Variants in CPNE8 observed in about 807,000 individuals in gnomAD.
The protein encoded by CPNE8 is copine-8.
CPNE8 carries 45 observed loss-of-function variants against 81.5 expected under a neutral mutation model. That is an observed-to-expected ratio of 0.55 (90% CI 0.44 to 0.71). The LOEUF is 0.71. CPNE8 is among the 30% of genes least tolerant of loss of function. CPNE8 has a pLI of 0.00. For synonymous variants in CPNE8, 252 were observed against 226.3 expected (o/e 1.11, Z -1.02); for missense variants, 594 against 672.1 (o/e 0.88, Z 1.28).
At chr12:38,687,197 T>C (rs902021428) in intron 15 of CPNE8, among the ~76,000 whole-genome samples, 1 of 152,014 alleles carries the variant, frequency 6.6e-6, no homozygotes, top group African/African-American at 2.4e-5. Context: ...ACTTTAAAAA[T>C]GTAGGACTGC....
intron 7 of CPNE8, among the ~76,000 whole-genome samples, chr12:38,772,016 C>T: frequency 6.6e-6 from 1 of 152,104 alleles, no homozygotes; most frequent in East Asian, 1.9e-4. Context: ...GGTGTGAATC[C>T]CTCATAAATA....
rs780128291 is a variant in CPNE8 at position 38,776,223 on chromosome 12, G to T, written c.471+15C>A. On this transcript the variant is annotated intron_variant, in intron 7 of 19. Coordinates refer to ENST00000331366, the MANE Select transcript of CPNE8 (RefSeq NM_153634.3). The stretch of plus-strand genomic sequence containing the variant: ...GTATGGAAGTATTTTCTAAACCAAA[G>T]AAATATTTACTTACCCTGCAACAGT... The T allele has an allele frequency of 6.9e-7, 1 of 1,443,664 alleles. No individual in the cohort carries two copies. The highest frequency in any genetic ancestry group is 1.9e-5 in the Admixed American group (1 of 53,346). The allele number at this position is 1,443,664 out of a possible 1,614,324, so 89.4% of individuals were successfully genotyped here.
rs189044470 is a variant in CPNE8 at position 38,690,399 on chromosome 12, G to A, written c.1143+3258C>T. ...GCCTTATTTATCCAACAAAACAGAAGTGCTTTGAAAAAAATTAAAGTAATA... is the reference window on the plus strand; with the variant it reads ...GCCTTATTTATCCAACAAAACAGAAATGCTTTGAAAAAAATTAAAGTAATA... On this transcript the variant is annotated intron_variant, in intron 15 of 19. Transcript: ENST00000331366. Among the ~76,000 whole-genome samples, 70 of 152,142 alleles carry A rather than the reference G, an allele frequency of 4.6e-4. 1 individual carries two copies. The highest frequency in any genetic ancestry group is 1.6e-3 in the African/African-American group (67 of 41,504).
intron 6 of CPNE8, among the ~76,000 whole-genome samples, chr12:38,810,685 G>A (rs773682736): frequency 2.0e-5 from 3 of 152,088 alleles, no homozygotes; most frequent in African/African-American, 4.8e-5. Flanking sequence ...TCATTGGTCA[G>A]TTCTGTACAT....
intron 10 of CPNE8, among the ~76,000 whole-genome samples, chr12:38,750,021 T>TG (rs1309053461): frequency 6.6e-6 from 1 of 152,084 alleles, no homozygotes; most frequent in Non-Finnish European, 1.5e-5. Context: ...TTTCCTGGGT[T>TG]GGGCCCAGGG....
At chr12:38,670,135 T>G (rs1939140728) in intron 19 of CPNE8, among the ~76,000 whole-genome samples, 2 of 152,214 alleles carry the variant, frequency 1.3e-5, no homozygotes, top group African/African-American at 4.8e-5. Flanking sequence ...GACTGTATTA[T>G]GGGTGAATAT....
chr12:38,662,194 T>C (rs1263200949), intron 19 of CPNE8, among the ~76,000 whole-genome samples: 3 of 152,248 alleles, frequency 2.0e-5, no homozygotes, highest in South Asian at 2.1e-4. Context: ...AGCATCCAAA[T>C]TGGAAAGCAA....
chr12:38,699,540 T>TCTTCTCTCTTTTTCCCCTACCCTTCCTTC (rs1939883757), intron 14 of CPNE8, among the ~76,000 whole-genome samples: 1 of 152,156 alleles, frequency 6.6e-6, no homozygotes, highest in Non-Finnish European at 1.5e-5. Flanking sequence ...CACTTTCCTT[T>TCTTCTCTCTTTTTCCCCTACCCTTCCTTC]CTTCTCTCTT....
intron 3 of CPNE8, among the ~76,000 whole-genome samples, chr12:38,871,225 T>C (rs1240344083): frequency 6.6e-6 from 1 of 152,210 alleles, no homozygotes; most frequent in Non-Finnish European, 1.5e-5. Flanking sequence ...AAATTTTTTG[T>C]TGTTGTCCTT....
At chr12:38,704,750 T>C (rs1173571482) in intron 13 of CPNE8, among the ~76,000 whole-genome samples, 1 of 149,690 alleles carries the variant, frequency 6.7e-6, no homozygotes, top group Admixed American at 6.7e-5. Context: ...TAAATGTGTA[T>C]TGATTTTGCA....
chr12:38,796,581 A>G (rs1186012594), intron 6 of CPNE8, among the ~76,000 whole-genome samples: 1 of 152,212 alleles, frequency 6.6e-6, no homozygotes, highest in African/African-American at 2.4e-5. Flanking sequence ...ATGGCCGAAT[A>G]GGAACAGCTC....
intron 4 of CPNE8, among the ~76,000 whole-genome samples, chr12:38,841,783 T>G (rs1943471289): frequency 6.6e-6 from 1 of 152,278 alleles, no homozygotes; most frequent in African/African-American, 2.4e-5. Context: ...ATGATAAAAC[T>G]TAAAATATTT....
At chr12:38,701,381 T>A (rs2136687997) in intron 14 of CPNE8, among the ~76,000 whole-genome samples, 1 of 152,372 alleles carries the variant, frequency 6.6e-6, no homozygotes, top group East Asian at 1.9e-4. Flanking sequence ...TGTCTTTTTA[T>A]TTAATAATTT....
intron 3 of CPNE8, among the ~76,000 whole-genome samples, chr12:38,864,849 C>T (rs1045582961): frequency 6.6e-6 from 1 of 152,080 alleles, no homozygotes; most frequent in African/African-American, 2.4e-5. Flanking sequence ...TATAAAGGAT[C>T]ATATCGCTAT....
At position 38,654,514 on chromosome 12, in the gene CPNE8, C is replaced by CAAAAAAA. The variant is rs71068569; in HGVS notation, c.1507-451_1507-445dup. Among the ~76,000 whole-genome samples the CAAAAAAA allele has an allele frequency of 5.1e-3, 494 of 97,548 alleles. 10 individuals carry two copies. Among genetic ancestry groups the CAAAAAAA allele is most frequent in the African/African-American group, 0.016 (378 of 23,158 alleles). 64.0% of individuals were successfully genotyped at this position (97,548 alleles called of 152,430 possible). On this transcript the variant is annotated intron_variant, in intron 19 of 19. Transcript: ENST00000331366. ...TGGCCGACAGAGCGAGACTCTGTCT[C>CAAAAAAA]AAAAAAAAAAAAAAAAAAAAATTCA...
chr12:38,874,800 T>C (rs1944044212), intron 1 of CPNE8, among the ~76,000 whole-genome samples: 1 of 152,188 alleles, frequency 6.6e-6, no homozygotes, highest in South Asian at 2.1e-4. Flanking sequence ...AAAATCTCTT[T>C]GAGAGAATTA....
chr12:38,886,209 A>G (rs1212552326), intron 1 of CPNE8, among the ~76,000 whole-genome samples: 1 of 152,174 alleles, frequency 6.6e-6, no homozygotes, highest in Non-Finnish European at 1.5e-5. Flanking sequence ...ACCTCTGAAC[A>G]GTCATTACAA....
chr12:38,881,631 T>C (rs1364027358), intron 1 of CPNE8, among the ~76,000 whole-genome samples: 1 of 152,226 alleles, frequency 6.6e-6, no homozygotes, highest in Non-Finnish European at 1.5e-5. Flanking sequence ...CTAACAGAAA[T>C]TTGAGGAGAG....
chr12:38,700,084 A>G (rs940436194), intron 14 of CPNE8, among the ~76,000 whole-genome samples: 3 of 152,146 alleles, frequency 2.0e-5, no homozygotes, highest in Non-Finnish European at 2.9e-5. Flanking sequence ...GGTCTTGGCT[A>G]CAACCTCCAG....
Sources: allele counts gnomAD v4.1 joint callset (sites outside exome capture counted in the v4.1 genomes callset), GRCh38; gene constraint gnomAD v4.1.1; transcripts MANE v1.5; gene names NCBI Gene and HGNC (gene_info 2026-07-23, HGNC 2026-07-21).